The following SLC2A13 variants were observed in gnomAD, a reference collection of about 807,000 sequenced individuals.
SLC2A13 encodes the protein proton myo-inositol cotransporter.
A neutral mutation model predicts 64.4 loss-of-function variants in SLC2A13; 32 were observed. The observed-to-expected ratio is 0.50, with a 90% CI of 0.37 to 0.67. SLC2A13 has a LOEUF of 0.67. Ranked by LOEUF, SLC2A13 falls within the 30% of genes least tolerant of loss-of-function variation. The probability of loss-of-function intolerance (pLI) is 0.00; values close to 1 mark genes in which losing one functional copy is unlikely to be tolerated. For synonymous variants in SLC2A13, 338 were observed against 327.1 expected (o/e 1.03, Z -0.36); for missense variants, 743 against 829.2 (o/e 0.90, Z 1.28).
At chr12:39,993,040 T>A (rs1237028269) in intron 3 of SLC2A13, among the ~76,000 whole-genome samples, 25 of 152,218 alleles carry the variant, frequency 1.6e-4, no homozygotes, top group Admixed American at 1.6e-3. Context: ...ATATTTAAAG[T>A]TTATTGCTCT....
intron 1 of SLC2A13, among the ~76,000 whole-genome samples, chr12:40,088,260 C>A (rs1938651738): frequency 6.6e-6 from 1 of 152,186 alleles, no homozygotes; most frequent in Non-Finnish European, 1.5e-5. Context: ...GATCTGAACA[C>A]TTCCTCAACA....
intron 4 of SLC2A13, among the ~76,000 whole-genome samples, chr12:39,894,090 A>C (rs543035229): frequency 8.0e-4 from 122 of 152,338 alleles, no homozygotes; most frequent in Non-Finnish European, 1.5e-3. Context: ...TGTTTTTGCA[A>C]ACATTTAGTA....
At chr12:40,019,819 T>C (rs1947682850) in intron 3 of SLC2A13, among the ~76,000 whole-genome samples, 1 of 152,152 alleles carries the variant, frequency 6.6e-6, no homozygotes, top group South Asian at 2.1e-4. Flanking sequence ...GGAAAAACTG[T>C]ACTGAAAAAC....
At chr12:39,830,955 T>A (rs1436317575) in intron 6 of SLC2A13, among the ~76,000 whole-genome samples, 2 of 152,196 alleles carry the variant, frequency 1.3e-5, no homozygotes, top group Non-Finnish European at 2.9e-5. Context: ...AGCAGTATTC[T>A]AACTGCAGAA....
intron 2 of SLC2A13, among the ~76,000 whole-genome samples, chr12:40,046,951 G>C (rs546207925): frequency 6.6e-6 from 1 of 151,508 alleles, no homozygotes; most frequent in African/African-American, 2.4e-5. Context: ...GTCCAGGCTG[G>C]AGTGCAGTGG....
intron 4 of SLC2A13, among the ~76,000 whole-genome samples, chr12:39,937,714 A>T (rs1592299272): frequency 6.6e-6 from 1 of 152,196 alleles, no homozygotes; most frequent in African/African-American, 2.4e-5. Flanking sequence ...TTAAATTCAC[A>T]TCTGATTCAG....
At chr12:39,940,707 A>G (rs1454305586) in intron 4 of SLC2A13, among the ~76,000 whole-genome samples, 1 of 152,004 alleles carries the variant, frequency 6.6e-6, no homozygotes, top group East Asian at 1.9e-4. Flanking sequence ...TAAACTTATA[A>G]TATTTTATTT....
intron 6 of SLC2A13, among the ~76,000 whole-genome samples, chr12:39,841,256 G>C (rs969589899): frequency 2.6e-5 from 4 of 152,196 alleles, no homozygotes; most frequent in African/African-American, 9.6e-5. Flanking sequence ...TAGCCAGAAT[G>C]GTTTTTCTTT....
At chr12:39,924,778 G>A (rs1945688306) in intron 4 of SLC2A13, among the ~76,000 whole-genome samples, 1 of 152,058 alleles carries the variant, frequency 6.6e-6, no homozygotes, top group South Asian at 2.1e-4. Context: ...AATGTAAAAT[G>A]CAATAGGCTT....
chr12:39,869,201 AAAATC>A (rs1198956375), intron 5 of SLC2A13, among the ~76,000 whole-genome samples: 1 of 152,244 alleles, frequency 6.6e-6, no homozygotes, highest in African/African-American at 2.4e-5. Flanking sequence ...ATGTGAAAGA[AAAATC>A]AATTGTGAGT....
intron 4 of SLC2A13, among the ~76,000 whole-genome samples, chr12:39,920,205 AT>A (rs1357928765): frequency 3.3e-5 from 5 of 152,066 alleles, no homozygotes; most frequent in African/African-American, 1.2e-4. Context: ...GTGTGCATGT[AT>A]TTTTTAACCT....
At chr12:39,863,980 T>G (rs543669358) in intron 6 of SLC2A13, among the ~76,000 whole-genome samples, 188 of 152,350 alleles carry the variant, frequency 1.2e-3, no homozygotes, top group African/African-American at 4.2e-3. Flanking sequence ...GAATATACAT[T>G]TTTGTTAAGG....
At chr12:40,099,414 A>C (rs1383034639) in intron 1 of SLC2A13, among the ~76,000 whole-genome samples, 2 of 152,230 alleles carry the variant, frequency 1.3e-5, no homozygotes, top group African/African-American at 4.8e-5. Context: ...TTGGGTAAAG[A>C]TGGCAACGAC....
chr12:39,935,349 A>G (rs934127589), intron 4 of SLC2A13, among the ~76,000 whole-genome samples: 4 of 152,242 alleles, frequency 2.6e-5, no homozygotes, highest in Admixed American at 6.5e-5. Flanking sequence ...TAACTTGGCA[A>G]CATTTTTGAA....
At chr12:40,093,365 T>C (rs1938829372) in intron 1 of SLC2A13, among the ~76,000 whole-genome samples, 1 of 152,184 alleles carries the variant, frequency 6.6e-6, no homozygotes, top group African/African-American at 2.4e-5. Flanking sequence ...GTTTTAGTTG[T>C]TATCTATAGA....
chr12:40,094,876 T>C (rs1228861183), intron 1 of SLC2A13, among the ~76,000 whole-genome samples: 2 of 152,108 alleles, frequency 1.3e-5, no homozygotes, highest in Non-Finnish European at 2.9e-5. Context: ...CAGCTTTGAA[T>C]AGGAGACAGG....
chr12:40,077,198 T>C (rs1938209848), intron 1 of SLC2A13, among the ~76,000 whole-genome samples: 1 of 152,202 alleles, frequency 6.6e-6, no homozygotes, highest in Non-Finnish European at 1.5e-5. Context: ...GCAATTGCTT[T>C]TGGAGTCTTC....
intron 1 of SLC2A13, among the ~76,000 whole-genome samples, chr12:40,080,116 C>T (rs149515200): frequency 1.2e-4 from 18 of 152,260 alleles, no homozygotes; most frequent in African/African-American, 4.1e-4. Flanking sequence ...CCCACCTTGG[C>T]CTCCCAAAGT....
At chr12:39,925,769 T>C (rs1397191667) in intron 4 of SLC2A13, among the ~76,000 whole-genome samples, 3 of 152,208 alleles carry the variant, frequency 2.0e-5, no homozygotes, top group Non-Finnish European at 2.9e-5. Context: ...TTTCATTTGG[T>C]ATTTTCCTCT....
Sources: allele counts gnomAD v4.1 joint callset (sites outside exome capture counted in the v4.1 genomes callset), GRCh38; gene constraint gnomAD v4.1.1; transcripts MANE v1.5; gene names NCBI Gene and HGNC (gene_info 2026-07-23, HGNC 2026-07-21).